SORCS2: variants seen among roughly 807,000 people sequenced by gnomAD.
The protein encoded by SORCS2 is VPS10 domain-containing receptor SorCS2.
In SORCS2, 100 loss-of-function variants were observed where a neutral mutation model predicts 141.6. The observed-to-expected ratio is 0.71, with a 90% CI of 0.60 to 0.83. The LOEUF (loss-of-function observed/expected upper bound fraction) is 0.83, where lower values mean the gene tolerates loss of function less well. Ranked by LOEUF, SORCS2 falls within the 40% of genes least tolerant of loss-of-function variation. The pLI is 0.00. For missense variants in SORCS2, 1,646 were observed against 1,560.2 expected, an observed-to-expected ratio of 1.05 and a Z score of -0.93; for synonymous variants, 789 against 676.9, an observed-to-expected ratio of 1.17 and a Z score of -2.57.
At chr4:7,439,479 C>G (rs915310439) in intron 2 of SORCS2, among the ~76,000 whole-genome samples, 1 of 152,226 alleles carries the variant, frequency 6.6e-6, no homozygotes. Flanking sequence ...ATAAATTTCA[C>G]CTACAGCTAA....
At chr4:7,255,503 G>A (rs1055775488) in intron 1 of SORCS2, among the ~76,000 whole-genome samples, 2 of 152,112 alleles carry the variant, frequency 1.3e-5, no homozygotes, top group Non-Finnish European at 2.9e-5. Context: ...GGCTGTGATG[G>A]GGGTCCAGCC....
At chr4:7,526,704 T>G (rs1405780631) in intron 2 of SORCS2, among the ~76,000 whole-genome samples, 1 of 152,120 alleles carries the variant, frequency 6.6e-6, no homozygotes, top group Non-Finnish European at 1.5e-5. Flanking sequence ...CCTCCCTCAC[T>G]GATTGTAAGA....
intron 2 of SORCS2, among the ~76,000 whole-genome samples, chr4:7,519,761 C>G (rs147317411): frequency 1.3e-5 from 2 of 152,222 alleles, no homozygotes; most frequent in South Asian, 4.1e-4. Flanking sequence ...CCCATTCTGC[C>G]CCTCCTTCCC....
intron 12 of SORCS2, among the ~76,000 whole-genome samples, chr4:7,698,398 T>G (rs969529124): frequency 6.6e-5 from 10 of 151,580 alleles, no homozygotes; most frequent in African/African-American, 2.2e-4. Flanking sequence ...GGCCTTGACG[T>G]TTTTTAAAAA....
At chr4:7,307,872 GTGTA>G (rs1366498624) in intron 1 of SORCS2, among the ~76,000 whole-genome samples, 1 of 151,626 alleles carries the variant, frequency 6.6e-6, no homozygotes, top group East Asian at 1.9e-4. Flanking sequence ...GTATGAGTGA[GTGTA>G]TGTGCATGGG....
At chr4:7,413,839 C>T (rs2109163039) in intron 2 of SORCS2, among the ~76,000 whole-genome samples, 1 of 152,320 alleles carries the variant, frequency 6.6e-6, no homozygotes, top group Non-Finnish European at 1.5e-5. Flanking sequence ...TGTCCTTGTA[C>T]ATACCCTGCC....
At chr4:7,249,977 C>T (rs950143598) in intron 1 of SORCS2, among the ~76,000 whole-genome samples, 15 of 152,108 alleles carry the variant, frequency 9.9e-5, no homozygotes, top group African/African-American at 3.4e-4. Context: ...CGCGGTGGCT[C>T]GTGCTTGTAA....
At chr4:7,270,286 G>T (rs1428299361) in intron 1 of SORCS2, among the ~76,000 whole-genome samples, 1 of 152,264 alleles carries the variant, frequency 6.6e-6, no homozygotes, top group Non-Finnish European at 1.5e-5. Context: ...ACGCGTGTGG[G>T]TGCAGCACCC....
intron 1 of SORCS2, among the ~76,000 whole-genome samples, chr4:7,203,186 C>G (rs1336249984): frequency 6.6e-6 from 1 of 152,200 alleles, no homozygotes; most frequent in East Asian, 1.9e-4. Context: ...AATCCCAACA[C>G]TTTGGGAGGC....
chr4:7,734,415 T>G, intron 25 of SORCS2, 41 bp downstream of exon 25: 2 of 1,390,600 alleles, frequency 1.4e-6, no homozygotes, highest in Non-Finnish European at 1.9e-6. Flanking sequence ...GCTCTGACCA[T>G]GGGGCCGTAG....
At chr4:7,448,000 C>T (rs368529066) in intron 2 of SORCS2, among the ~76,000 whole-genome samples, 4 of 152,312 alleles carry the variant, frequency 2.6e-5, no homozygotes, top group South Asian at 2.1e-4. Context: ...GCTGTGCTGC[C>T]GGCCTTGAAT....
chr4:7,288,838 A>G (rs1402508625), intron 1 of SORCS2, among the ~76,000 whole-genome samples: 1 of 150,966 alleles, frequency 6.6e-6, no homozygotes, highest in African/African-American at 2.4e-5. Flanking sequence ...CCTCAGCATG[A>G]ACCCTTTTTG....
At chr4:7,400,632 C>T (rs114289271) in intron 2 of SORCS2, among the ~76,000 whole-genome samples, 190 of 151,860 alleles carry the variant, frequency 1.3e-3, no homozygotes, top group African/African-American at 4.4e-3. Flanking sequence ...GATGGACAGC[C>T]GGGTGGATGG....
chr4:7,740,812 C>T lies in SORCS2; in HGVS notation c.*548C>T, dbSNP rs1317263204. The T allele has an allele frequency of 1.6e-5, 6 of 377,634 alleles. No homozygotes were observed. The highest frequency in any genetic ancestry group is 2.3e-5 in the Non-Finnish European group (5 of 213,148). The allele number at this position is 377,634 out of a possible 1,614,324, so 23.4% of individuals were successfully genotyped here. A position where few individuals can be genotyped will look rare whatever the true frequency, so the allele number is the denominator to read the frequency against. On this transcript the variant is annotated 3_prime_UTR_variant, in exon 27 of 27. Transcript: ENST00000507866. The stretch of plus-strand genomic sequence containing the variant: ...CCCCCTGCCCTCCGGCTGGAAACTG[C>T]AGCTCTGTAAATGCCTCTCTAGGTA...
intron 12 of SORCS2, among the ~76,000 whole-genome samples, chr4:7,701,580 G>A (rs1461719572): frequency 1.3e-5 from 2 of 152,208 alleles, no homozygotes; most frequent in African/African-American, 2.4e-5. Context: ...GACTGTAAGT[G>A]TCACGGAAGC....
At chr4:7,620,452 C>T (rs998958410) in intron 3 of SORCS2, among the ~76,000 whole-genome samples, 6 of 152,214 alleles carry the variant, frequency 3.9e-5, no homozygotes, top group African/African-American at 1.2e-4. Flanking sequence ...ACCCCCACAT[C>T]CATCAGGCAT....
intron 2 of SORCS2, among the ~76,000 whole-genome samples, chr4:7,455,576 AGCTGTGTGTTGGGGTCAGGT>A (rs1159014981): frequency 1.8e-3 from 101 of 56,238 alleles, no homozygotes; most frequent in African/African-American, 6.7e-3. Context: ...TGGGGTCAGG[AGCTGTGTGTTGGGGTCAGGT>A]GCTGTGTGTT....
At position 7,740,378 on chromosome 4, in the gene SORCS2, G is replaced by A. The variant is rs558548861; in HGVS notation, c.*114G>A. On this transcript the variant is annotated 3_prime_UTR_variant, in exon 27 of 27. Transcript: ENST00000507866. ...CGGAAAGCCCCCTCCCTGAGTCGTC[G>A]CCACACCAGGCGACAGGCACCACCC... 30 of 928,296 alleles carry A rather than the reference G, an allele frequency of 3.2e-5. No individual in the cohort carries two copies. Among genetic ancestry groups the A allele is most frequent in the Admixed American group, 1.4e-4 (7 of 48,618 alleles). 57.5% of individuals were successfully genotyped at this position (928,296 alleles called of 1,614,324 possible). A position where few individuals can be genotyped will look rare whatever the true frequency, so the allele number is the denominator to read the frequency against.
intron 1 of SORCS2, among the ~76,000 whole-genome samples, chr4:7,323,922 C>T (rs1719067960): frequency 6.6e-6 from 1 of 152,212 alleles, no homozygotes; most frequent in African/African-American, 2.4e-5. Flanking sequence ...ATACACCACA[C>T]ATCTCATGGG....
Sources: allele counts gnomAD v4.1 joint callset (sites outside exome capture counted in the v4.1 genomes callset), GRCh38; gene constraint gnomAD v4.1.1; transcripts MANE v1.5; gene names NCBI Gene and HGNC (gene_info 2026-07-23, HGNC 2026-07-21).